ABCA10: variants seen among roughly 807,000 people sequenced by gnomAD.
ABCA10 encodes the protein ATP-binding cassette sub-family A member 10.
ABCA10 carries 169 observed loss-of-function variants against 187.5 expected under a neutral mutation model. The ratio of observed to expected loss-of-function variants is 0.90; its 90% CI spans 0.80 to 1.02. The LOEUF is 1.02. Ranked by LOEUF, ABCA10 falls within the 50% of genes least tolerant of loss-of-function variation. The probability of loss-of-function intolerance (pLI) is 0.00; values close to 1 mark genes in which losing one functional copy is unlikely to be tolerated. For synonymous variants in ABCA10, 574 were observed against 601.8 expected, an observed-to-expected ratio of 0.95 and a Z score of 0.68; for missense variants, 1,727 against 1,812.4, an observed-to-expected ratio of 0.95 and a Z score of 0.86.
intron 14 of ABCA10, 117 bp downstream of exon 14, chr17:69,193,376 T>C (rs2074475701): frequency 1.3e-6 from 2 of 1,501,110 alleles, no homozygotes; most frequent in Admixed American, 2.2e-5. Flanking sequence ...CAAGCTTGCA[T>C]GGTACTTTAT....
At chr17:69,234,485 G>A (rs1312532386) in intron 1 of ABCA10, 2 of 152,230 alleles carry the variant, frequency 1.3e-5, no homozygotes, top group African/African-American at 4.8e-5. Context: ...ACCATTTCCA[G>A]GCTTGAACCC....
At chr17:69,243,674 G>C (rs1027283706) in intron 1 of ABCA10, among the ~76,000 whole-genome samples, 1 of 152,166 alleles carries the variant, frequency 6.6e-6, no homozygotes, top group Non-Finnish European at 1.5e-5. Flanking sequence ...AAGGCAGGAG[G>C]ATCCCTTAAG....
Position 69,193,895 on chromosome 17 carries a change from T to C in ABCA10, c.1440A>G (p.Gln480=). 1 of 1,613,448 alleles carries C rather than the reference T, an allele frequency of 6.2e-7. No homozygotes were observed. The highest frequency in any genetic ancestry group is 8.5e-7 in the Non-Finnish European group (1 of 1,179,598). The change falls in exon 13 of 39, where the codon CAA becomes CAG. Residue 480 remains glutamine, a synonymous_variant. Coordinates refer to ENST00000690296, the MANE Select transcript of ABCA10 (RefSeq NM_001377321.1). ...TTTCTCTCACAGTGAGGAAGTCAAA[T>C]TGAAAATTGAACTGTGGACAAAATC... is the stretch of plus-strand genomic sequence containing the variant. The part of the protein sequence containing the change: ...NIGFCPQFNF[Q]FDFLTVRENL...
At chr17:69,195,210 A>AGAC (rs1167107857) in intron 11 of ABCA10, among the ~76,000 whole-genome samples, 6 of 152,196 alleles carry the variant, frequency 3.9e-5, no homozygotes, top group African/African-American at 1.4e-4. Flanking sequence ...TTAGATTGTC[A>AGAC]GAGCGTCAAA....
At chr17:69,181,513 A>T (rs2074380831) in intron 22 of ABCA10, among the ~76,000 whole-genome samples, 1 of 152,174 alleles carries the variant, frequency 6.6e-6, no homozygotes, top group African/African-American at 2.4e-5. Flanking sequence ...GAGGCCAGCC[A>T]TAAAACATAA....
At chr17:69,192,975 GC>G in intron 15 of ABCA10, 134 bp downstream of exon 15, 1 of 1,249,234 alleles carries the variant, frequency 8.0e-7, no homozygotes, top group Non-Finnish European at 1.1e-6. Context: ...GTAGCCAATG[GC>G]ATGTGGAGGC....
chr17:69,167,598 C>T (rs1285580598), intron 25 of ABCA10, among the ~76,000 whole-genome samples: 1 of 152,056 alleles, frequency 6.6e-6, no homozygotes, highest in East Asian at 1.9e-4. Context: ...TAATAGACAC[C>T]ACACCAGAGA....
Position 69,215,921 on chromosome 17 carries a change from A to G in ABCA10, c.752T>C (p.Phe251Ser). 5 of 1,613,988 alleles carry G rather than the reference A, an allele frequency of 3.1e-6. No individual in the cohort carries two copies. The highest frequency in any genetic ancestry group is 4.2e-6 in the Non-Finnish European group (5 of 1,179,950). Residue 251 changes from phenylalanine to serine, a missense_variant, in exon 8 of 39, where the codon TTT (phenylalanine) becomes TCT (serine). Physicochemically the swap from Phe to Ser is radical, Grantham distance 155. Transcript: ENST00000690296. ...AGLAGFLFTVFWGCLGFTVLY... is the reference protein window; with the variant it reads ...AGLAGFLFTVSWGCLGFTVLY... ...CACAGTGAATCCCAGACATCCCCAA[A>G]ATACAGTGAAGAGAAATCCAGCCAA...
intron 5 of ABCA10, among the ~76,000 whole-genome samples, chr17:69,220,096 A>T (rs2074735822): frequency 6.6e-6 from 1 of 152,242 alleles, no homozygotes; most frequent in South Asian, 2.1e-4. Context: ...ATATTAAATA[A>T]ATCATTGCAT....
chr17:69,175,649 A>G (rs2074329203), intron 22 of ABCA10, 136 bp from the exon 23 acceptor site: 3 of 642,226 alleles, frequency 4.7e-6, no homozygotes, highest in Non-Finnish European at 7.5e-6. Flanking sequence ...ACAAGCAAAC[A>G]TGTTTTGTTA....
chr17:69,179,030 T>C (rs2074357628), intron 22 of ABCA10: 1 of 152,086 alleles, frequency 6.6e-6, no homozygotes, highest in Non-Finnish European at 1.5e-5. Flanking sequence ...GAAGGTTATG[T>C]ATCTATGCAT....
Position 69,192,584 on chromosome 17 carries a change from C to T in ABCA10, c.1850G>A (p.Trp617Ter). The part of the protein sequence containing the change: ...AGSSLFLKRK[W>*]GIGYHLSLHR... ...ATACCTTAAATGATATCCAATACCC[C>T]ACTTTCGCTTCAGAAACAAAGATGA... The change falls in exon 16 of 39, where the codon TGG (tryptophan) becomes TAG (stop). Residue 617 changes from tryptophan to a stop codon, truncating the protein, a stop_gained. Transcript: ENST00000690296. LOFTEE classifies it high-confidence loss of function. The T allele has an allele frequency of 1.2e-6, 2 of 1,613,154 alleles. No homozygotes were observed. The highest frequency in any genetic ancestry group is 1.7e-6 in the Non-Finnish European group (2 of 1,179,464).
intron 9 of ABCA10, among the ~76,000 whole-genome samples, chr17:69,210,018 T>C (rs2144828619): frequency 6.6e-6 from 1 of 151,958 alleles, no homozygotes; most frequent in South Asian, 2.1e-4. Context: ...GGATTATATG[T>C]GCACACACTA....
chr17:69,211,319 A>G (rs28841931), intron 9 of ABCA10, among the ~76,000 whole-genome samples: 147 of 3,656 alleles, frequency 0.04, 4 homozygotes, highest in African/African-American at 0.17. Flanking sequence ...TATATGATAT[A>G]TATATATATA....
intron 25 of ABCA10, among the ~76,000 whole-genome samples, chr17:69,169,922 A>G (rs1162087782): frequency 6.6e-6 from 1 of 152,192 alleles, no homozygotes; most frequent in African/African-American, 2.4e-5. Context: ...TGGCCATAGT[A>G]TTTGTAATTA....
At chr17:69,216,433 A>C (rs9912127) in intron 6 of ABCA10, 75 bp from the exon 7 acceptor site, 1,031,398 of 1,469,846 alleles carry the variant, frequency 0.7, 364,282 homozygotes, top group Middle Eastern at 0.75. Flanking sequence ...GAAATGGTTA[A>C]GAGTAAAAGC....
At position 69,153,724 on chromosome 17, in the gene ABCA10, G is replaced by C. The variant is rs192964819; in HGVS notation, c.3965+107C>G. On this transcript the variant is annotated intron_variant, in intron 32 of 38. Transcript: ENST00000690296. The stretch of plus-strand genomic sequence containing the variant: ...TTCAGGTATTTGAATCATTTTATTT[G>C]CATGAAAATTTAAAGACATTGTTTA... The C allele has an allele frequency of 1.5e-4, 221 of 1,456,736 alleles. No homozygotes were observed. In the African/African-American group the frequency reaches 2.9e-3, roughly 19 times the overall value. The allele number at this position is 1,456,736 out of a possible 1,614,324, so 90.2% of individuals were successfully genotyped here. A position where few individuals can be genotyped will look rare whatever the true frequency, so the allele number is the denominator to read the frequency against.
chr17:69,225,566 C>T (rs145154074), intron 2 of ABCA10, 37 bp from the exon 3 acceptor site: 185 of 519,310 alleles, frequency 3.6e-4, no homozygotes, highest in African/African-American at 2.9e-3. Flanking sequence ...CATGTTATAA[C>T]GTGGTCCAGA....
chr17:69,151,991 C>T, intron 36 of ABCA10, 52 bp downstream of exon 36: 2 of 1,575,214 alleles, frequency 1.3e-6, no homozygotes, highest in African/African-American at 1.4e-5. Flanking sequence ...CTAATTGATG[C>T]TAATACTGGA....
Sources: allele counts gnomAD v4.1 joint callset (sites outside exome capture counted in the v4.1 genomes callset), GRCh38; gene constraint gnomAD v4.1.1; transcripts MANE v1.5; gene names NCBI Gene and HGNC (gene_info 2026-07-23, HGNC 2026-07-21).